The following FBXL13 variants were observed in gnomAD, a reference collection of about 807,000 sequenced individuals.
The protein encoded by FBXL13 is F-box and leucine rich repeat protein 13.
Under a neutral mutation model 83.6 loss-of-function variants are expected in FBXL13, and 67 were observed. The observed-to-expected ratio is 0.80, with a 90% CI of 0.66 to 0.98. FBXL13 has a LOEUF of 0.98. Ranked by LOEUF, FBXL13 falls within the 50% of genes least tolerant of loss-of-function variation. FBXL13 has a pLI of 0.00. For synonymous variants in FBXL13, 272 were observed against 299.5 expected, an observed-to-expected ratio of 0.91 and a Z score of 0.95; for missense variants, 822 against 866.5, an observed-to-expected ratio of 0.95 and a Z score of 0.64.
intron 1 of FBXL13, among the ~76,000 whole-genome samples, chr7:103,062,413 T>C (rs369248586): frequency 7.9e-5 from 12 of 152,184 alleles, no homozygotes; most frequent in East Asian, 5.8e-4. Context: ...TAATAATCTC[T>C]TTCAAAACAC....
At chr7:103,047,634 A>C (rs928704148) in intron 2 of FBXL13, among the ~76,000 whole-genome samples, 8 of 152,242 alleles carry the variant, frequency 5.3e-5, no homozygotes, top group African/African-American at 1.9e-4. Flanking sequence ...TAACATAATA[A>C]CTATAATTAT....
intron 6 of FBXL13, chr7:102,978,237 C>T (rs576789923): frequency 3.3e-5 from 5 of 152,134 alleles, no homozygotes; most frequent in African/African-American, 4.8e-5. Context: ...TCCAAGGTGC[C>T]CACGCCACCC....
chr7:102,867,015 G>GCCTGC (rs879535651), intron 16 of FBXL13, among the ~76,000 whole-genome samples: 8 of 152,140 alleles, frequency 5.3e-5, no homozygotes, highest in Non-Finnish European at 1.0e-4. Context: ...GAGATCCTAA[G>GCCTGC]CCTGCCCAGA....
At chr7:102,831,394 GAC>G (rs3045618) in intron 18 of FBXL13, among the ~76,000 whole-genome samples, 12,688 of 141,242 alleles carry the variant, frequency 0.09, 609 homozygotes, top group South Asian at 0.15. Flanking sequence ...CAGTGCCCGG[GAC>G]ACACACACAC....
chr7:102,867,691 A>ATTTTTT (rs1338300455), intron 16 of FBXL13, among the ~76,000 whole-genome samples: 1 of 71,620 alleles, frequency 1.4e-5, no homozygotes, highest in Admixed American at 1.5e-4. Flanking sequence ...ATATATATAT[A>ATTTTTT]TATATTTTTT....
intron 6 of FBXL13, among the ~76,000 whole-genome samples, chr7:102,974,774 GTCT>G (rs1231047935): frequency 6.6e-6 from 1 of 151,866 alleles, no homozygotes; most frequent in Non-Finnish European, 1.5e-5. Flanking sequence ...CCTCTCAGCC[GTCT>G]TCTTTAACCC....
intron 7 of FBXL13, among the ~76,000 whole-genome samples, chr7:102,967,432 C>T (rs2129480662): frequency 6.6e-6 from 1 of 152,298 alleles, no homozygotes; most frequent in South Asian, 2.1e-4. Flanking sequence ...GCCACCATGC[C>T]TAGCTAATTT....
At chr7:102,884,237 T>G (rs1235359559) in exon 12 of FBXL13, 1 of 1,613,514 alleles carries the variant, frequency 6.2e-7, no homozygotes, top group Non-Finnish European at 8.5e-7. Context: ...TCCGTCAGAG[T>G]TGGCATGTCA....
At chr7:103,070,779 A>T (rs1050892840) in intron 1 of FBXL13, among the ~76,000 whole-genome samples, 11 of 152,124 alleles carry the variant, frequency 7.2e-5, no homozygotes, top group African/African-American at 2.7e-4. Flanking sequence ...TCTTCTAAAC[A>T]ACCAGCTCTT....
Position 102,813,434 on chromosome 7 carries a change from CAG to C in FBXL13, c.2114_2115del (p.Pro705ArgfsTer5), listed in dbSNP as rs1562888591. On this transcript the variant is annotated frameshift_variant, in exon 20 of 20. Transcript: ENST00000313221. LOFTEE classifies it low-confidence loss of function (END_TRUNC). Reference sequence around the variant, plus strand: ...GATGTTATGTTGTCAAGCTCTGTAACAGGGTTTCCTTCCCTATCATAGCCAAA... The same window carrying C: ...GATGTTATGTTGTCAAGCTCTGTAACGGTTTCCTTCCCTATCATAGCCAAA... 6.2e-7 allele frequency: 1 copy of C among 1,614,172 alleles called. No homozygotes were observed. Among genetic ancestry groups the C allele is most frequent in the East Asian group, 2.2e-5 (1 of 44,888 alleles).
intron 11 of FBXL13, among the ~76,000 whole-genome samples, chr7:102,888,403 G>T (rs1307543589): frequency 2.0e-5 from 3 of 152,232 alleles, no homozygotes; most frequent in Admixed American, 6.5e-5. Context: ...GCCAGGCATG[G>T]TGGCACACGC....
At chr7:102,893,944 AAGAAAGAAAGAAAGAAAGAG>A (rs937517140) in intron 11 of FBXL13, among the ~76,000 whole-genome samples, 7 of 122,758 alleles carry the variant, frequency 5.7e-5, no homozygotes, top group African/African-American at 1.6e-4. Context: ...GAGAAAGAGA[AAGAAAGAAAGAAAGAAAGAG>A]AGAAAGAAAG....
chr7:102,860,637 A>C (rs1806672060), intron 16 of FBXL13, among the ~76,000 whole-genome samples: 1 of 152,158 alleles, frequency 6.6e-6, no homozygotes, highest in Non-Finnish European at 1.5e-5. Flanking sequence ...GCTGATGTAC[A>C]TAGACAATGT....
Position 102,903,939 on chromosome 7 carries a change from CTTTTTTT to C in FBXL13, c.1008+9140_1008+9146del, listed in dbSNP as rs1166655004. Reference sequence around the variant, plus strand: ...TTGGCCTGTAGTTTTCTTTTCTTTTCTTTTTTTTTTTTTTTTTTTTTTTGCTGTATCT... The same window carrying C: ...TTGGCCTGTAGTTTTCTTTTCTTTTCTTTTTTTTTTTTTTTTGCTGTATCT... On this transcript the variant is annotated intron_variant, in intron 11 of 19. Coordinates refer to ENST00000313221, the Ensembl canonical transcript of FBXL13. 1.1e-3 allele frequency among the ~76,000 whole-genome samples: 46 copies of C among 43,460 alleles called. 1 individual carries two copies. Among genetic ancestry groups the C allele is most frequent in the Middle Eastern group, 0.031 (1 of 32 alleles). The allele number at this position is 43,460 out of a possible 152,430, so 28.5% of individuals were successfully genotyped here. A position where few individuals can be genotyped will look rare whatever the true frequency, so the allele number is the denominator to read the frequency against.
intron 1 of FBXL13, among the ~76,000 whole-genome samples, chr7:103,056,358 T>G (rs1797335359): frequency 6.6e-6 from 1 of 152,186 alleles, no homozygotes; most frequent in African/African-American, 2.4e-5. Flanking sequence ...TATAATAACT[T>G]ATTTTCCTCT....
chr7:102,913,026 A>G, intron 11 of FBXL13, 60 bp downstream of exon 12: 1 of 1,610,784 alleles, frequency 6.2e-7, no homozygotes. Context: ...GGCTGAATGC[A>G]GCCCATTCTC....
chr7:102,927,572 G>C (rs1444834656), intron 9 of FBXL13, among the ~76,000 whole-genome samples: 1 of 152,168 alleles, frequency 6.6e-6, no homozygotes, highest in African/African-American at 2.4e-5. Context: ...GGAATTGGTT[G>C]ATTTACAGGG....
intron 14 of FBXL13, among the ~76,000 whole-genome samples, chr7:102,879,519 G>A (rs1410799069): frequency 6.6e-6 from 1 of 151,728 alleles, no homozygotes; most frequent in Non-Finnish European, 1.5e-5. Flanking sequence ...GAATGGAAAA[G>A]ATTATTGAGG....
At chr7:102,813,240 G>T in exon 20 of FBXL13, 1 of 1,057,322 alleles carries the variant, frequency 9.5e-7, no homozygotes, top group Non-Finnish European at 1.4e-6. Flanking sequence ...TTTGTTGCTT[G>T]TTTACATTGT....
Sources: gnomAD v4.1 joint callset for allele counts (sites outside exome capture counted in the v4.1 genomes callset) on GRCh38, gnomAD v4.1.1 for gene constraint, MANE v1.5 for transcripts, NCBI Gene and HGNC (gene_info 2026-07-23, HGNC 2026-07-21) for gene names.